Variants in GPC5 observed in about 807,000 individuals in gnomAD.
GPC5 encodes glypican-5.
In GPC5, 47 loss-of-function variants were observed where a neutral mutation model predicts 53.9. That is an observed-to-expected ratio of 0.87 (90% CI 0.69 to 1.11). GPC5 has a LOEUF of 1.11. Ranked by LOEUF, GPC5 falls within the 50% of genes most tolerant of loss-of-function variation. The pLI, the probability that GPC5 is intolerant of heterozygous loss-of-function variation, is 0.00. For synonymous variants in GPC5, 286 were observed against 263.3 expected (o/e 1.09, Z -0.84); for missense variants, 748 against 713.1 (o/e 1.05, Z -0.56).
chr13:92,863,524 G>A (rs145340526), intron 7 of GPC5, among the ~76,000 whole-genome samples: 37 of 152,108 alleles, frequency 2.4e-4, no homozygotes, highest in East Asian at 2.3e-3. Flanking sequence ...ATGGAGTTTC[G>A]TTCTTGCTGC....
intron 5 of GPC5, among the ~76,000 whole-genome samples, chr13:91,841,978 GAAGT>G (rs1219023399): frequency 6.6e-6 from 1 of 152,172 alleles, no homozygotes; most frequent in Non-Finnish European, 1.5e-5. Flanking sequence ...AAACTATTTT[GAAGT>G]AAGTTTGAAT....
chr13:92,696,327 T>C (rs1028555818), intron 7 of GPC5, among the ~76,000 whole-genome samples: 11 of 152,198 alleles, frequency 7.2e-5, no homozygotes, highest in African/African-American at 2.7e-4. Flanking sequence ...TGTAAAAGCA[T>C]TCTTATTTCT....
At chr13:92,084,298 AT>A in intron 6 of GPC5, among the ~76,000 whole-genome samples, 1 of 152,196 alleles carries the variant, frequency 6.6e-6, no homozygotes, top group East Asian at 1.9e-4. Context: ...AATATAACAT[AT>A]CAGTTTTTTT....
At chr13:92,835,210 C>A (rs896774672) in intron 7 of GPC5, among the ~76,000 whole-genome samples, 1 of 151,968 alleles carries the variant, frequency 6.6e-6, no homozygotes, top group Non-Finnish European at 1.5e-5. Flanking sequence ...CCTAAACACA[C>A]TTGCATTAAT....
intron 7 of GPC5, among the ~76,000 whole-genome samples, chr13:92,685,547 T>TTTTTTTTTAA (rs1887241163): frequency 2.0e-5 from 2 of 97,814 alleles, no homozygotes; most frequent in African/African-American, 6.5e-5. Context: ...TATGCTCATT[T>TTTTTTTTTAA]TTTTTTTTTT....
At chr13:92,628,829 T>A (rs902041518) in intron 7 of GPC5, among the ~76,000 whole-genome samples, 2 of 152,188 alleles carry the variant, frequency 1.3e-5, no homozygotes, top group Admixed American at 6.5e-5. Flanking sequence ...GCTCCTCTCA[T>A]GGAACTAGAA....
At chr13:92,616,866 TA>T (rs1884708660) in intron 7 of GPC5, among the ~76,000 whole-genome samples, 3 of 151,998 alleles carry the variant, frequency 2.0e-5, no homozygotes, top group Admixed American at 2.0e-4. Context: ...CAAATGATGC[TA>T]AAGATTTTCT....
intron 2 of GPC5, among the ~76,000 whole-genome samples, chr13:91,474,305 C>A (rs958022299): frequency 6.6e-5 from 10 of 152,034 alleles, no homozygotes; most frequent in Non-Finnish European, 1.2e-4. Context: ...ATATTTGAGT[C>A]CCTGAAGTGA....
chr13:92,088,088 G>A lies in GPC5; in HGVS notation c.1402-56742G>A, dbSNP rs544804044. Among the ~76,000 whole-genome samples the A allele has an allele frequency of 1.1e-3, 172 of 151,960 alleles. 1 individual carries two copies. Among genetic ancestry groups the A allele is most frequent in the Middle Eastern group, 0.01 (3 of 294 alleles). ...GCCGGGCCCCAACTACAATCTTGCC[G>A]TCCCTTTTCTAATTCTCTTCTTTTG... On this transcript the variant is annotated intron_variant, in intron 6 of 7. Coordinates refer to ENST00000377067, the MANE Select transcript of GPC5 (RefSeq NM_004466.6).
At chr13:91,801,586 C>T (rs1439802252) in intron 5 of GPC5, among the ~76,000 whole-genome samples, 1 of 152,106 alleles carries the variant, frequency 6.6e-6, no homozygotes, top group Non-Finnish European at 1.5e-5. Context: ...ACAATAGAAA[C>T]ATAAGTGGTT....
intron 7 of GPC5, among the ~76,000 whole-genome samples, chr13:92,464,019 T>C (rs566963078): frequency 3.9e-5 from 6 of 152,336 alleles, no homozygotes; most frequent in Middle Eastern, 3.4e-3. Flanking sequence ...CACTAAGTGC[T>C]GTGTATATAT....
At chr13:92,100,930 C>A (rs1411744) in intron 6 of GPC5, among the ~76,000 whole-genome samples, 80,301 of 151,934 alleles carry the variant, frequency 0.53, 21,678 homozygotes, top group East Asian at 0.79. Context: ...TCATATCTAG[C>A]TATCAAAATG....
chr13:91,548,639 A>G (rs907299547), intron 2 of GPC5, among the ~76,000 whole-genome samples: 2 of 152,200 alleles, frequency 1.3e-5, no homozygotes, highest in African/African-American at 2.4e-5. Context: ...AAGATCCAGA[A>G]TAGTCAACAC....
intron 6 of GPC5, among the ~76,000 whole-genome samples, chr13:92,131,814 C>A (rs2041745981): frequency 2.6e-5 from 4 of 151,778 alleles, no homozygotes; most frequent in Admixed American, 2.6e-4. Context: ...TACTTAAGAT[C>A]TGTATACTCT....
At position 91,598,231 on chromosome 13, in the gene GPC5, T is replaced by C. The variant is rs2033061909; in HGVS notation, c.326-94956T>C. ...CTTCTAGTGCTTTTCAGAATTCTGG[T>C]AATAACTGGAAAAAGGTAGAAACTA... On this transcript the variant is annotated intron_variant, in intron 2 of 7. Coordinates refer to ENST00000377067, the MANE Select transcript of GPC5 (RefSeq NM_004466.6). 2.6e-5 allele frequency among the ~76,000 whole-genome samples: 4 copies of C among 152,234 alleles called. No homozygotes were observed. The South Asian group carries it at 8.3e-4, about 32-fold the overall frequency.
intron 5 of GPC5, among the ~76,000 whole-genome samples, chr13:91,824,578 G>A (rs932312174): frequency 1.3e-5 from 2 of 152,000 alleles, no homozygotes; most frequent in African/African-American, 4.8e-5. Flanking sequence ...CTCTTCATCT[G>A]TAAATAAATA....
intron 5 of GPC5, among the ~76,000 whole-genome samples, chr13:91,814,207 C>T (rs1000823745): frequency 2.0e-5 from 3 of 152,116 alleles, no homozygotes; most frequent in Admixed American, 6.5e-5. Context: ...GTTGGAATTA[C>T]AGGCATGAGC....
chr13:91,681,971 A>G (rs1475488943), intron 2 of GPC5, among the ~76,000 whole-genome samples: 2 of 151,094 alleles, frequency 1.3e-5, no homozygotes, highest in Admixed American at 6.6e-5. Flanking sequence ...GTGTACATCT[A>G]TCCCTTTTCA....
At chr13:91,414,827 C>T (rs1446891969) in intron 1 of GPC5, among the ~76,000 whole-genome samples, 1 of 152,062 alleles carries the variant, frequency 6.6e-6, no homozygotes, top group Non-Finnish European at 1.5e-5. Context: ...GGCTATTTTC[C>T]AACTAACTAT....
Sources: gnomAD v4.1 joint callset for allele counts (sites outside exome capture counted in the v4.1 genomes callset) on GRCh38, gnomAD v4.1.1 for gene constraint, MANE v1.5 for transcripts, NCBI Gene and HGNC (gene_info 2026-07-23, HGNC 2026-07-21) for gene names.